The following SCAPER variants were observed in gnomAD, a reference collection of about 807,000 sequenced individuals.
SCAPER encodes the protein S-phase cyclin A associated protein in the ER.
Under a neutral mutation model 182.2 loss-of-function variants are expected in SCAPER, and 98 were observed. That is an observed-to-expected ratio of 0.54 (90% CI 0.46 to 0.64). The LOEUF (loss-of-function observed/expected upper bound fraction) is 0.64, where lower values mean the gene tolerates loss of function less well. Ranked by LOEUF, SCAPER falls within the 30% of genes least tolerant of loss-of-function variation. SCAPER has a pLI of 0.00. For missense variants in SCAPER, 1,432 were observed against 1,690.0 expected (o/e 0.85, Z 2.68); for synonymous variants, 605 against 564.6 (o/e 1.07, Z -1.01).
intron 21 of SCAPER, among the ~76,000 whole-genome samples, chr15:76,652,353 C>G (rs1280094705): frequency 6.7e-5 from 2 of 30,012 alleles, no homozygotes; most frequent in Non-Finnish European, 5.8e-5. Flanking sequence ...TACACACACA[C>G]ACACACACAC....
intron 16 of SCAPER, among the ~76,000 whole-genome samples, chr15:76,730,379 T>C (rs983459093): frequency 5.3e-5 from 8 of 152,196 alleles, no homozygotes; most frequent in African/African-American, 1.9e-4. Context: ...ACAGGCACAC[T>C]GCAGACTGTT....
At chr15:76,558,144 CA>C (rs2046326775) in intron 23 of SCAPER, among the ~76,000 whole-genome samples, 1 of 152,046 alleles carries the variant, frequency 6.6e-6, no homozygotes, top group Admixed American at 6.5e-5. Flanking sequence ...CAAAAATTGA[CA>C]AATGGGATCT....
chr15:76,793,775 G>A lies in SCAPER; in HGVS notation c.772+1505C>T, dbSNP rs141649200. 1.5e-4 allele frequency among the ~76,000 whole-genome samples: 23 copies of A among 152,254 alleles called. 1 individual carries two copies. The highest frequency in any genetic ancestry group is 4.3e-4 in the African/African-American group (18 of 41,544). Reference sequence around the variant, plus strand: ...AATCAAATCCAAGAAGTAGGTAGTCGGAATCCTGATTTATAGCTAGTTGGT... The same window carrying A: ...AATCAAATCCAAGAAGTAGGTAGTCAGAATCCTGATTTATAGCTAGTTGGT... On this transcript the variant is annotated intron_variant, in intron 8 of 31. Coordinates refer to ENST00000563290, the MANE Select transcript of SCAPER (RefSeq NM_020843.4).
intron 5 of SCAPER, among the ~76,000 whole-genome samples, chr15:76,812,239 G>A (rs2066680395): frequency 6.6e-6 from 1 of 152,092 alleles, no homozygotes; most frequent in African/African-American, 2.4e-5. Flanking sequence ...ATTTGAATCT[G>A]GGAGGCAGAA....
chr15:76,837,094 G>A (rs2069019154), intron 5 of SCAPER, among the ~76,000 whole-genome samples: 1 of 152,008 alleles, frequency 6.6e-6, no homozygotes, highest in Non-Finnish European at 1.5e-5. Context: ...AATTAACAAA[G>A]TAAACAGACA....
chr15:76,701,527 A>T (rs1287302148), intron 20 of SCAPER, among the ~76,000 whole-genome samples: 1 of 152,192 alleles, frequency 6.6e-6, no homozygotes, highest in African/African-American at 2.4e-5. Context: ...ATTTCCTTAT[A>T]CTGAAATTAT....
chr15:76,354,732 T>G lies in SCAPER; in HGVS notation c.3856-592A>C, dbSNP rs2040840677. 6.6e-6 allele frequency: 1 copy of G among 152,280 alleles called. No individual in the cohort carries two copies. Among genetic ancestry groups the G allele is most frequent in the Non-Finnish European group, 1.5e-5 (1 of 68,066 alleles). 9.4% of individuals were successfully genotyped at this position (152,280 alleles called of 1,614,324 possible). On this transcript the variant is annotated intron_variant, in intron 29 of 31. Coordinates refer to ENST00000563290, the MANE Select transcript of SCAPER (RefSeq NM_020843.4). The surrounding 1 kb of genome is among the most constrained non-coding windows in gnomAD (Gnocchi z 4.4). ...TTATCTTTGTTTCCATCAGTGCCAC[T>G]GAGTCTAAAAGGAGAACTGTTTAGA...
At chr15:76,866,075 T>C (rs1331010762) in intron 2 of SCAPER, among the ~76,000 whole-genome samples, 2 of 152,186 alleles carry the variant, frequency 1.3e-5, no homozygotes, top group Admixed American at 1.3e-4. Flanking sequence ...GTCAGTTCTA[T>C]CTAACTTACA....
intron 20 of SCAPER, among the ~76,000 whole-genome samples, chr15:76,672,214 A>C (rs575041829): frequency 1.1e-3 from 167 of 152,344 alleles, no homozygotes; most frequent in Non-Finnish European, 2.1e-3. Context: ...CATTTTTCAC[A>C]AAAATTGTAT....
chr15:76,462,586 CTATCAG>C (rs1197709313), intron 25 of SCAPER, among the ~76,000 whole-genome samples: 3 of 152,102 alleles, frequency 2.0e-5, no homozygotes, highest in Non-Finnish European at 4.4e-5. Flanking sequence ...TTTGCTTTAT[CTATCAG>C]TATTTGTAAG....
chr15:76,863,133 C>T (rs1333213472), intron 2 of SCAPER, among the ~76,000 whole-genome samples: 1 of 152,150 alleles, frequency 6.6e-6, no homozygotes, highest in East Asian at 1.9e-4. Context: ...AGAACACGGG[C>T]CTAAGATTCA....
intron 24 of SCAPER, chr15:76,472,069 C>G: frequency 3.4e-6 from 1 of 293,284 alleles, no homozygotes; most frequent in South Asian, 3.6e-5. Flanking sequence ...ATTCCTGCAT[C>G]CATAGCATAT....
rs370348324 is a variant in SCAPER at position 76,650,709 on chromosome 15, A to C, written c.2645+14944T>G. Among the ~76,000 whole-genome samples, 3 of 152,278 alleles carry C rather than the reference A, an allele frequency of 2.0e-5. No homozygotes were observed. In the East Asian group the frequency reaches 5.8e-4, roughly 29 times the overall value. Reference sequence around the variant, plus strand: ...TGACATAGAAAGTACACCTATAATAAGCACAATATAAGTGCATTTCAAGTA... The same window carrying C: ...TGACATAGAAAGTACACCTATAATACGCACAATATAAGTGCATTTCAAGTA... On this transcript the variant is annotated intron_variant, in intron 21 of 31. Coordinates refer to ENST00000563290, the MANE Select transcript of SCAPER (RefSeq NM_020843.4).
chr15:76,556,463 A>G (rs983618909), intron 23 of SCAPER, among the ~76,000 whole-genome samples: 1 of 152,244 alleles, frequency 6.6e-6, no homozygotes, highest in Non-Finnish European at 1.5e-5. Context: ...AAGAAAAAAT[A>G]CAATTGCTAG....
intron 26 of SCAPER, among the ~76,000 whole-genome samples, chr15:76,419,795 C>T (rs553656439): frequency 1.3e-5 from 2 of 152,236 alleles, no homozygotes; most frequent in South Asian, 2.1e-4. Context: ...TTTTATGAGG[C>T]CAGCATTTCT....
intron 21 of SCAPER, among the ~76,000 whole-genome samples, chr15:76,652,825 A>T (rs916805328): frequency 1.3e-5 from 2 of 151,870 alleles, no homozygotes; most frequent in African/African-American, 4.8e-5. Flanking sequence ...CAAGACAAGG[A>T]CTCCCACTCT....
intron 10 of SCAPER, among the ~76,000 whole-genome samples, chr15:76,768,165 T>A (rs1215844247): frequency 1.3e-5 from 2 of 152,134 alleles, no homozygotes; most frequent in East Asian, 1.9e-4. Context: ...TGGTTAAACA[T>A]AGAGTTCATA....
intron 17 of SCAPER, among the ~76,000 whole-genome samples, chr15:76,711,081 C>T (rs572000973): frequency 6.6e-6 from 1 of 152,066 alleles, no homozygotes; most frequent in Non-Finnish European, 1.5e-5. Context: ...ATGCTAAGTG[C>T]TAACTGAAAC....
intron 24 of SCAPER, among the ~76,000 whole-genome samples, chr15:76,476,971 G>A (rs570971687): frequency 3.9e-5 from 6 of 152,000 alleles, no homozygotes; most frequent in Non-Finnish European, 8.8e-5. Context: ...TGGTGTTAAT[G>A]GGGGGGAAGC....
Sources: allele counts gnomAD v4.1 joint callset (sites outside exome capture counted in the v4.1 genomes callset), GRCh38; gene constraint gnomAD v4.1.1; non-coding constraint Gnocchi (gnomAD v3.1); transcripts MANE v1.5; gene names NCBI Gene and HGNC (gene_info 2026-07-23, HGNC 2026-07-21).